WDR59: variants seen among roughly 807,000 people sequenced by gnomAD.
WDR59 encodes the protein WD repeat domain 59.
In WDR59, 100 loss-of-function variants were observed where a neutral mutation model predicts 131.2. That is an observed-to-expected ratio of 0.76 (90% CI 0.65 to 0.90). The LOEUF is 0.90. WDR59 is among the 40% of genes least tolerant of loss of function. The probability of loss-of-function intolerance (pLI) is 0.00; values close to 1 mark genes in which losing one functional copy is unlikely to be tolerated. For missense variants in WDR59, 1,203 were observed against 1,262.2 expected, an observed-to-expected ratio of 0.95 and a Z score of 0.71; for synonymous variants, 601 against 466.2, an observed-to-expected ratio of 1.29 and a Z score of -3.72.
intron 8 of WDR59, among the ~76,000 whole-genome samples, chr16:74,925,956 G>C (rs1248327981): frequency 1.3e-5 from 2 of 149,390 alleles, no homozygotes; most frequent in East Asian, 2.0e-4. Flanking sequence ...CTGCACTCCA[G>C]TGTGGGCAAC....
chr16:74,894,398 G>T (rs1965189714), intron 18 of WDR59, among the ~76,000 whole-genome samples: 1 of 152,132 alleles, frequency 6.6e-6, no homozygotes, highest in Non-Finnish European at 1.5e-5. Context: ...CTGATTCAAG[G>T]GGCTTGGGTA....
chr16:74,891,879 G>A (rs946612153), intron 20 of WDR59, among the ~76,000 whole-genome samples: 3 of 152,264 alleles, frequency 2.0e-5, no homozygotes, highest in South Asian at 2.1e-4. Flanking sequence ...AGCTGAGATC[G>A]TGCCACTGCA....
At chr16:74,903,865 T>C (rs896998360) in intron 18 of WDR59, 82 bp downstream of exon 18, 4 of 1,482,740 alleles carry the variant, frequency 2.7e-6, no homozygotes, top group Non-Finnish European at 3.6e-6. Context: ...ATTACTAATC[T>C]AGCTGCTGCG....
In WDR59 at chr16:74,985,090, G is replaced by A; in HGVS notation, c.-73C>T. On this transcript the variant is annotated 5_prime_UTR_variant, in exon 1 of 26. Transcript: ENST00000262144. ...GCCGTCCCCAGTATCCCGGGACCGTGCGCCCCACACAGCCAGAGAATCAGC... is the reference window on the plus strand; with the variant it reads ...GCCGTCCCCAGTATCCCGGGACCGTACGCCCCACACAGCCAGAGAATCAGC... 2.1e-6 allele frequency: 3 copies of A among 1,428,370 alleles called. No individual in the cohort carries two copies. The highest frequency in any genetic ancestry group is 3.9e-5 in the Admixed American group (2 of 50,678). 88.5% of individuals were successfully genotyped at this position (1,428,370 alleles called of 1,614,324 possible).
chr16:74,889,502 A>G (rs1418021471), intron 21 of WDR59, among the ~76,000 whole-genome samples: 1 of 152,178 alleles, frequency 6.6e-6, no homozygotes, highest in African/African-American at 2.4e-5. Flanking sequence ...CTTGTTATAA[A>G]TGACAAGTAA....
At chr16:74,949,469 G>A (rs563890515) in intron 5 of WDR59, among the ~76,000 whole-genome samples, 1 of 151,598 alleles carries the variant, frequency 6.6e-6, no homozygotes, top group African/African-American at 2.4e-5. Context: ...AGAGAGGGAG[G>A]GAGGGAGGAC....
intron 25 of WDR59, among the ~76,000 whole-genome samples, chr16:74,881,324 C>CCTTTGCA (rs1964470310): frequency 6.6e-6 from 1 of 152,102 alleles, no homozygotes; most frequent in Non-Finnish European, 1.5e-5. Context: ...AAAGAGAAGA[C>CCTTTGCA]CTGTGGCCTT....
chr16:74,913,917 G>A (rs918277126), intron 13 of WDR59, among the ~76,000 whole-genome samples: 5 of 152,276 alleles, frequency 3.3e-5, no homozygotes, highest in East Asian at 1.9e-4. Flanking sequence ...TTTAAAAAGC[G>A]GAATTTTGGC....
At chr16:74,893,593 A>G in intron 19 of WDR59, 86 bp downstream of exon 19, 1 of 1,433,708 alleles carries the variant, frequency 7.0e-7, no homozygotes, top group Non-Finnish European at 9.4e-7. Flanking sequence ...GCTTTTGAAG[A>G]AAGGATTCCC....
chr16:74,908,771 T>G (rs1965938741), intron 17 of WDR59, 137 bp downstream of exon 17: 1 of 627,304 alleles, frequency 1.6e-6, no homozygotes, highest in African/African-American at 1.9e-5. Flanking sequence ...TCAATCTTTC[T>G]CAAATAAATC....
intron 8 of WDR59, among the ~76,000 whole-genome samples, chr16:74,930,452 A>T (rs2031278310): frequency 1.3e-5 from 2 of 152,168 alleles, no homozygotes; most frequent in African/African-American, 4.8e-5. Flanking sequence ...GAGTTAAATT[A>T]ATGGCTGTGA....
chr16:74,880,774 A>C (rs1964443028), intron 25 of WDR59, among the ~76,000 whole-genome samples: 1 of 152,246 alleles, frequency 6.6e-6, no homozygotes, highest in African/African-American at 2.4e-5. Context: ...CACATAGAAC[A>C]ATCAAAGTAT....
In WDR59 at chr16:74,918,054, C is replaced by T. The variant is rs138985634; in HGVS notation, c.887-46G>A. 1,021 of 1,580,220 alleles carry T rather than the reference C, an allele frequency of 6.5e-4. 6 individuals are homozygous for T. In the African/African-American group the frequency reaches 0.012, roughly 19 times the overall value. The stretch of plus-strand genomic sequence containing the variant: ...ATCCTGGAAATTCTTCTGGATTCAA[C>T]GTCTATTTGCTAGAGGTTGAAATGG... On this transcript the variant is annotated intron_variant, in intron 10 of 25. Transcript: ENST00000262144.
At chr16:74,952,462 A>G (rs867546870) in intron 3 of WDR59, among the ~76,000 whole-genome samples, 29 of 150,658 alleles carry the variant, frequency 1.9e-4, no homozygotes, top group Admixed American at 6.0e-4. Flanking sequence ...AAAAAAAAAA[A>G]AAAAGAAAAG....
chr16:74,971,235 A>C (rs1312858445), intron 1 of WDR59, among the ~76,000 whole-genome samples: 1 of 152,064 alleles, frequency 6.6e-6, no homozygotes, highest in Admixed American at 6.6e-5. Flanking sequence ...TCGTTTCGTT[A>C]ATACCTCCTA....
Position 74,981,629 on chromosome 16 carries a change from T to TACAC in WDR59, c.54+3334_54+3335insGTGT, listed in dbSNP as rs1283747062. On this transcript the variant is annotated intron_variant, in intron 1 of 25. Coordinates refer to ENST00000262144, the MANE Select transcript of WDR59 (RefSeq NM_030581.4). ...ATACATTTACATATATATATATATA[T>TACAC]ATATATATATATATATATATATATA... Among the ~76,000 whole-genome samples, 20 of 2,646 alleles carry TACAC rather than the reference T, an allele frequency of 7.6e-3. 1 individual carries two copies. In the East Asian group the frequency reaches 0.18, roughly 24 times the overall value. 1.7% of individuals were successfully genotyped at this position (2,646 alleles called of 152,430 possible).
chr16:74,929,198 C>G (rs1387477401), intron 8 of WDR59, among the ~76,000 whole-genome samples: 1 of 152,200 alleles, frequency 6.6e-6, no homozygotes, highest in Non-Finnish European at 1.5e-5. Flanking sequence ...CCTCAGCCTT[C>G]CGAATAGCTG....
At chr16:74,984,111 T>C (rs1372520683) in intron 1 of WDR59, among the ~76,000 whole-genome samples, 8 of 151,820 alleles carry the variant, frequency 5.3e-5, no homozygotes, top group Admixed American at 3.9e-4. Context: ...ACCCCGTCTC[T>C]ACTAAAAATA....
At chr16:74,903,926 G>A in intron 18 of WDR59, 21 bp downstream of exon 18, 1 of 1,598,376 alleles carries the variant, frequency 6.3e-7, no homozygotes, top group Non-Finnish European at 8.5e-7. Flanking sequence ...AAGAATCAAA[G>A]GCTACGGCTC....
Sources: allele counts gnomAD v4.1 joint callset (sites outside exome capture counted in the v4.1 genomes callset), GRCh38; gene constraint gnomAD v4.1.1; transcripts MANE v1.5; gene names NCBI Gene and HGNC (gene_info 2026-07-23, HGNC 2026-07-21).